The following TNFRSF8 variants were observed in gnomAD, a reference collection of about 807,000 sequenced individuals.
The protein encoded by TNFRSF8 is TNF receptor superfamily member 8.
Under a neutral mutation model 70.8 loss-of-function variants are expected in TNFRSF8, and 26 were observed. The observed-to-expected ratio is 0.37, with a 90% CI of 0.27 to 0.51. The LOEUF is 0.51. Among genes scored for constraint, TNFRSF8 ranks in the 20% least tolerant of loss-of-function variants. TNFRSF8 has a pLI of 0.94. For synonymous variants in TNFRSF8, 356 were observed against 339.2 expected, an observed-to-expected ratio of 1.05 and a Z score of -0.54; for missense variants, 720 against 807.9, an observed-to-expected ratio of 0.89 and a Z score of 1.32.
chr1:12,128,134 G>T (rs1641975321), intron 12 of TNFRSF8, among the ~76,000 whole-genome samples: 1 of 152,212 alleles, frequency 6.6e-6, no homozygotes, highest in South Asian at 2.1e-4. Context: ...ATTGGCACTG[G>T]TTTATTGGTT....
rs773549918 is a variant in TNFRSF8, at chr1:12,065,078, C to CTTTTT, written c.63+1435_63+1439dup. Among the ~76,000 whole-genome samples, 553 of 88,242 alleles carry CTTTTT rather than the reference C, an allele frequency of 6.3e-3. 26 individuals carry two copies. Among genetic ancestry groups the CTTTTT allele is most frequent in the East Asian group, 0.014 (40 of 2,838 alleles). 57.9% of individuals were successfully genotyped at this position (88,242 alleles called of 152,430 possible). ...TACAGCCTGAACTCTCATACCAAAC[C>CTTTTT]TTTTTTTTTTTTTTTTTTTTTTGAG... On this transcript the variant is annotated intron_variant, in intron 1 of 14. Transcript: ENST00000263932.
chr1:12,073,549 G>GTTTTCCCTTTCCCTTTCC (rs1186063225), intron 1 of TNFRSF8, among the ~76,000 whole-genome samples: 1 of 117,206 alleles, frequency 8.5e-6, no homozygotes, highest in Non-Finnish European at 1.8e-5. Context: ...TTTCCCTTTC[G>GTTTTCCCTTTCCCTTTCC]TTTTCCCTTT....
intron 1 of TNFRSF8, chr1:12,080,506 C>G (rs1267305146): frequency 6.0e-6 from 3 of 498,924 alleles, no homozygotes; most frequent in South Asian, 3.0e-5. Flanking sequence ...AGTGGTCGAG[C>G]TTGTTTCTCC....
chr1:12,122,732 AC>A (rs1376583675), intron 8 of TNFRSF8, among the ~76,000 whole-genome samples: 2 of 152,234 alleles, frequency 1.3e-5, no homozygotes, highest in African/African-American at 4.8e-5. Context: ...CTGTATTTAA[AC>A]ATTAGGCGAT....
At chr1:12,093,091 C>A (rs1217015338) in intron 2 of TNFRSF8, among the ~76,000 whole-genome samples, 1 of 152,198 alleles carries the variant, frequency 6.6e-6, no homozygotes, top group Non-Finnish European at 1.5e-5. Flanking sequence ...CAAGCGTGAG[C>A]CACCGCACCG....
At chr1:12,067,749 T>A (rs1193632216) in intron 1 of TNFRSF8, among the ~76,000 whole-genome samples, 1 of 152,066 alleles carries the variant, frequency 6.6e-6, no homozygotes, top group African/African-American at 2.4e-5. Context: ...AATTTAACTT[T>A]AAAAGCTTAG....
rs142311648 is a variant in TNFRSF8, at chr1:12,106,442, C to T, written c.421+1911C>T. Among the ~76,000 whole-genome samples the T allele has an allele frequency of 9.4e-3, 1,436 of 152,276 alleles. 62 individuals are homozygous for T. The highest frequency in any genetic ancestry group is 0.076 in the Admixed American group (1,157 of 15,288). On this transcript the variant is annotated intron_variant, in intron 4 of 14. Transcript: ENST00000263932. ...ACTGTGTCCTTTGCAAATGTGGATA[C>T]ATACCTCTCTCTGTCTCTTGGCTTG...
At chr1:12,107,388 CTG>C (rs551005223) in intron 4 of TNFRSF8, among the ~76,000 whole-genome samples, 1 of 149,662 alleles carries the variant, frequency 6.7e-6, no homozygotes, top group South Asian at 2.1e-4. Context: ...GAGTTAGACT[CTG>C]TTTCAAAAAA....
At chr1:12,074,019 G>C (rs1569982759) in intron 1 of TNFRSF8, among the ~76,000 whole-genome samples, 1 of 152,022 alleles carries the variant, frequency 6.6e-6, no homozygotes, top group Admixed American at 6.6e-5. Flanking sequence ...TCCAACACTT[G>C]CTTCGGCCCT....
In TNFRSF8 at chr1:12,142,191, T is replaced by G. The variant is rs544313739; in HGVS notation, c.1544-96T>G. 1 of 1,453,230 alleles carries G rather than the reference T, an allele frequency of 6.9e-7. No homozygotes were observed. Among genetic ancestry groups the G allele is most frequent in the East Asian group, 2.5e-5 (1 of 40,066 alleles). 90.0% of individuals were successfully genotyped at this position (1,453,230 alleles called of 1,614,324 possible). A position where few individuals can be genotyped will look rare whatever the true frequency, so the allele number is the denominator to read the frequency against. On this transcript the variant is annotated intron_variant, in intron 14 of 14. Coordinates refer to ENST00000263932, the MANE Select transcript of TNFRSF8 (RefSeq NM_001243.5). The surrounding 1 kb of genome is among the most constrained non-coding windows in gnomAD (Gnocchi z 5.0). ...CATCAGCCTGAAGCCACCCGGCAGG[T>G]GTACCAGCACTGGGCCTCGGCCCTT...
intron 1 of TNFRSF8, among the ~76,000 whole-genome samples, chr1:12,083,702 A>G (rs936435827): frequency 5.3e-5 from 8 of 152,244 alleles, no homozygotes; most frequent in African/African-American, 1.2e-4. Context: ...ATTAAAAAAA[A>G]GAGAGTAGAC....
At chr1:12,092,554 C>G (rs1224217206) in intron 2 of TNFRSF8, among the ~76,000 whole-genome samples, 1 of 148,458 alleles carries the variant, frequency 6.7e-6, no homozygotes, top group Non-Finnish European at 1.5e-5. Context: ...GTAACCCAGG[C>G]TGGATTGCAG....
Position 12,109,474 on chromosome 1 carries a change from C to T in TNFRSF8, c.422-92C>T, listed in dbSNP as rs182392762. ...CTGCTGTGTTTTCCAAGGGCCCCAT[C>T]TCCGACTCTGGCCTGTGGTAGTGAA... On this transcript the variant is annotated intron_variant, in intron 4 of 14. Transcript: ENST00000263932. This position sits in a 1 kb window ranked among gnomAD's most constrained non-coding sequence, Gnocchi z 4.4. 1.5e-5 allele frequency: 16 copies of T among 1,056,004 alleles called. No individual in the cohort carries two copies. The highest frequency in any genetic ancestry group is 2.1e-5 in the Non-Finnish European group (15 of 714,002). The allele number at this position is 1,056,004 out of a possible 1,614,324, so 65.4% of individuals were successfully genotyped here.
intron 12 of TNFRSF8, among the ~76,000 whole-genome samples, chr1:12,134,710 G>A: frequency 6.6e-6 from 1 of 152,210 alleles, no homozygotes; most frequent in East Asian, 1.9e-4. Context: ...GAGTCAGAAG[G>A]GCTCCACAGC....
Position 12,141,909 on chromosome 1 carries a change from C to T in TNFRSF8, c.1544-378C>T, listed in dbSNP as rs1371359293. Reference sequence around the variant, plus strand: ...CCGCCTTGCAGGAGGGCTGGGGACCCAGGAGTGGGGGTGTGGAAACTGCTC... The same window carrying T: ...CCGCCTTGCAGGAGGGCTGGGGACCTAGGAGTGGGGGTGTGGAAACTGCTC... On this transcript the variant is annotated intron_variant, in intron 14 of 14. Coordinates refer to ENST00000263932, the MANE Select transcript of TNFRSF8 (RefSeq NM_001243.5). This position sits in a 1 kb window ranked among gnomAD's most constrained non-coding sequence, Gnocchi z 5.4. 6.6e-6 allele frequency among the ~76,000 whole-genome samples: 1 copy of T among 152,136 alleles called. No individual in the cohort carries two copies. The highest frequency in any genetic ancestry group is 1.9e-4 in the East Asian group (1 of 5,184).
At chr1:12,083,733 A>G (rs540486847) in intron 1 of TNFRSF8, among the ~76,000 whole-genome samples, 1 of 152,336 alleles carries the variant, frequency 6.6e-6, no homozygotes, top group African/African-American at 2.4e-5. Context: ...AATTGTGCAT[A>G]TTTGTGTGAT....
rs758260714 is a variant in TNFRSF8, at chr1:12,141,721, G to A, written c.1544-566G>A. Among the ~76,000 whole-genome samples, 4 of 152,186 alleles carry A rather than the reference G, an allele frequency of 2.6e-5. No homozygotes were observed. Among genetic ancestry groups the A allele is most frequent in the African/African-American group, 2.4e-5 (1 of 41,432 alleles). On this transcript the variant is annotated intron_variant, in intron 14 of 14. Transcript: ENST00000263932. The surrounding 1 kb of genome is among the most constrained non-coding windows in gnomAD (Gnocchi z 5.4). ...GCAAGCTGGACAAGTTGGTCACCCC[G>A]GGTTTTGGCTGCAGGCACACAGATA...
intron 12 of TNFRSF8, among the ~76,000 whole-genome samples, chr1:12,129,531 G>A (rs1297010573): frequency 6.6e-6 from 1 of 152,168 alleles, no homozygotes. Flanking sequence ...CTGGTTTCTC[G>A]AGTCTCCTTC....
intron 2 of TNFRSF8, among the ~76,000 whole-genome samples, chr1:12,087,861 C>A (rs901993975): frequency 6.6e-6 from 1 of 152,216 alleles, no homozygotes; most frequent in African/African-American, 2.4e-5. Context: ...CTCCTCCCCA[C>A]TTCCCCTCTC....
Sources: allele counts gnomAD v4.1 joint callset (sites outside exome capture counted in the v4.1 genomes callset), GRCh38; gene constraint gnomAD v4.1.1; non-coding constraint Gnocchi (gnomAD v3.1); transcripts MANE v1.5; gene names NCBI Gene and HGNC (gene_info 2026-07-23, HGNC 2026-07-21).